KAT6B: variants seen among roughly 807,000 people sequenced by gnomAD.
KAT6B encodes histone acetyltransferase KAT6B.
In KAT6B, 10 loss-of-function variants were observed where a neutral mutation model predicts 187.5. The observed-to-expected ratio is 0.05, with a 90% CI of 0.03 to 0.09. KAT6B has a LOEUF of 0.09. KAT6B is among the 10% of genes least tolerant of loss of function. The probability of loss-of-function intolerance (pLI) is 1.00; values close to 1 mark genes in which losing one functional copy is unlikely to be tolerated. For synonymous variants in KAT6B, 861 were observed against 926.8 expected (o/e 0.93, Z 1.29); for missense variants, 1,952 against 2,558.9 (o/e 0.76, Z 5.12).
At chr10:74,849,916 G>C (rs1387865619) in intron 3 of KAT6B, among the ~76,000 whole-genome samples, 2 of 151,460 alleles carry the variant, frequency 1.3e-5, no homozygotes, top group Non-Finnish European at 2.9e-5. Context: ...TTACCACTGG[G>C]CAGTACACTG....
intron 3 of KAT6B, among the ~76,000 whole-genome samples, chr10:74,883,513 T>A (rs1845018160): frequency 6.6e-6 from 1 of 152,196 alleles, no homozygotes; most frequent in Non-Finnish European, 1.5e-5. Context: ...ATGTATTTCC[T>A]TTGACCTTTC....
At chr10:74,939,704 C>CT (rs1273916158) in intron 3 of KAT6B, among the ~76,000 whole-genome samples, 1 of 151,950 alleles carries the variant, frequency 6.6e-6, no homozygotes, top group Non-Finnish European at 1.5e-5. Flanking sequence ...CAGCTGGAGT[C>CT]TATTTTTTAA....
intron 3 of KAT6B, among the ~76,000 whole-genome samples, chr10:74,924,419 T>C (rs1447585963): frequency 6.6e-6 from 1 of 152,202 alleles, no homozygotes; most frequent in South Asian, 2.1e-4. Context: ...ACTAATTGGG[T>C]TAGAGGTTAA....
At position 74,976,041 on chromosome 10, in the gene KAT6B, C is replaced by T; in HGVS notation, c.1704C>T (p.Pro568=). Residue 568 remains proline, a synonymous_variant, in exon 8 of 18, where the codon CCC becomes CCT. Transcript: ENST00000287239. The part of the protein sequence containing the change: ...RKKGHPSYAP[P]KRMRRKTELS... ...AGGGACACCCGAGTTATGCACCACC[C>T]AAACGTATGCGTCGTAAAACTGAAT... The T allele has an allele frequency of 6.2e-7, 1 of 1,614,204 alleles. No homozygotes were observed. The highest frequency in any genetic ancestry group is 8.5e-7 in the Non-Finnish European group (1 of 1,180,048).
At chr10:74,899,773 A>G (rs949392808) in intron 3 of KAT6B, among the ~76,000 whole-genome samples, 1 of 152,090 alleles carries the variant, frequency 6.6e-6, no homozygotes, top group Admixed American at 6.6e-5. Context: ...CACAAATAAC[A>G]TTGATACCAA....
At chr10:74,967,641 G>A (rs557388635) in intron 4 of KAT6B, among the ~76,000 whole-genome samples, 1 of 152,306 alleles carries the variant, frequency 6.6e-6, no homozygotes, top group African/African-American at 2.4e-5. Context: ...AGGAAAGATA[G>A]GCTGAAGATT....
At chr10:74,850,174 G>A (rs940555799) in intron 3 of KAT6B, among the ~76,000 whole-genome samples, 2 of 152,076 alleles carry the variant, frequency 1.3e-5, no homozygotes, top group African/African-American at 2.4e-5. Context: ...TCCTGACCTC[G>A]TGATCCACCT....
intron 3 of KAT6B, among the ~76,000 whole-genome samples, chr10:74,855,036 C>CT (rs1168843813): frequency 1.3e-5 from 2 of 152,166 alleles, no homozygotes; most frequent in Non-Finnish European, 2.9e-5. Context: ...TCTCACCCTG[C>CT]TTTTTAGCAT....
chr10:75,028,960 A>G lies in KAT6B; in HGVS notation c.4136A>G (p.Glu1379Gly). Residue 1379 changes from glutamate (E) to glycine (G), a missense_variant, in exon 18 of 18, where the codon GAA (glutamate) becomes GGA (glycine). This residue lies in a region of KAT6B where 758 missense variants were observed against 891.4 expected (regional missense o/e 0.85). Coordinates refer to ENST00000287239, the MANE Select transcript of KAT6B (RefSeq NM_012330.4). ...GEEEEGGGNV[E>G]KDPDGAKSQE... ...GAAGAAGAAGGAGGAGGAAATGTAG[A>G]AAAAGATCCAGATGGTGCTAAAAGC... The G allele has an allele frequency of 6.2e-7, 1 of 1,613,768 alleles. No individual in the cohort carries two copies. Among genetic ancestry groups the G allele is most frequent in the Non-Finnish European group, 8.5e-7 (1 of 1,179,890 alleles).
chr10:75,029,014 C>G lies in KAT6B; in HGVS notation c.4190C>G (p.Thr1397Arg), dbSNP rs201038511. The change falls in exon 18 of 18, where the codon ACG (threonine) becomes AGG (arginine). Residue 1397 changes from threonine (T) to arginine (R), a missense_variant. By Grantham distance (71) the Thr-to-Arg change is moderately conservative (BLOSUM62 -1). This residue lies in a region of KAT6B where 758 missense variants were observed against 891.4 expected (regional missense o/e 0.85). Transcript: ENST00000287239. This position sits in a 1 kb window ranked among gnomAD's most constrained non-coding sequence, Gnocchi z 6.2. ...SQEKEEPEIS[T>R]EKEDSARLDD... ...GAAAAAGAGGAACCAGAAATCTCCA[C>G]GGAAAAAGAAGACTCTGCACGTTTG... 215 of 1,613,852 alleles carry G rather than the reference C, an allele frequency of 1.3e-4. 4 individuals are homozygous for G. In the South Asian group the frequency reaches 2.2e-3, roughly 17 times the overall value.
At chr10:74,977,912 G>T (rs1030771966) in intron 9 of KAT6B, among the ~76,000 whole-genome samples, 2 of 152,186 alleles carry the variant, frequency 1.3e-5, no homozygotes, top group Non-Finnish European at 2.9e-5. Flanking sequence ...GTTGTAGTCA[G>T]TTTTATTTTT....
chr10:74,861,370 A>G (rs565827308), intron 3 of KAT6B, among the ~76,000 whole-genome samples: 70 of 152,380 alleles, frequency 4.6e-4, no homozygotes, highest in African/African-American at 1.5e-3. Flanking sequence ...CATTGGAGTG[A>G]TCATCACTTT....
chr10:74,873,838 G>A (rs544119232), intron 3 of KAT6B, among the ~76,000 whole-genome samples: 1 of 152,084 alleles, frequency 6.6e-6, no homozygotes, highest in Non-Finnish European at 1.5e-5. Context: ...AGTTAATACA[G>A]GTATTTATTT....
At chr10:75,026,714 T>A (rs1156571137) in intron 17 of KAT6B, among the ~76,000 whole-genome samples, 2 of 152,168 alleles carry the variant, frequency 1.3e-5, no homozygotes, top group East Asian at 3.8e-4. Flanking sequence ...CTTGGCTGTC[T>A]TCTCATATTA....
chr10:74,992,872 A>G (rs1319693569), intron 13 of KAT6B, among the ~76,000 whole-genome samples: 43 of 152,006 alleles, frequency 2.8e-4, no homozygotes, highest in Admixed American at 2.8e-3. Flanking sequence ...CTGGTTATAA[A>G]CTCCCTAGTG....
intron 13 of KAT6B, among the ~76,000 whole-genome samples, chr10:75,018,407 G>A (rs948192434): frequency 6.6e-6 from 1 of 152,206 alleles, no homozygotes; most frequent in Non-Finnish European, 1.5e-5. Context: ...GGTGCTAAAA[G>A]GTTTATGCCT....
At chr10:74,938,482 GAAGA>G (rs1398852152) in intron 3 of KAT6B, among the ~76,000 whole-genome samples, 3 of 152,108 alleles carry the variant, frequency 2.0e-5, no homozygotes, top group Non-Finnish European at 2.9e-5. Context: ...TGGAAAAAGA[GAAGA>G]AAGAAGGGAG....
At chr10:74,982,027 T>A in intron 11 of KAT6B, 99 bp downstream of exon 11, 1 of 1,125,140 alleles carries the variant, frequency 8.9e-7, no homozygotes, top group Non-Finnish European at 1.3e-6. Context: ...AAAGTATACT[T>A]AATTTTGGCA....
chr10:74,879,046 G>C (rs1480405910), intron 3 of KAT6B, among the ~76,000 whole-genome samples: 2 of 152,164 alleles, frequency 1.3e-5, no homozygotes, highest in Non-Finnish European at 1.5e-5. Context: ...TCATTGGCTT[G>C]AGCTGAGCCG....
Sources: gnomAD v4.1 joint callset for allele counts (sites outside exome capture counted in the v4.1 genomes callset) on GRCh38, gnomAD v4.1.1 for gene constraint, gnomAD v4.1.1 regional missense constraint, Gnocchi (gnomAD v3.1) non-coding constraint, MANE v1.5 for transcripts, NCBI Gene and HGNC (gene_info 2026-07-23, HGNC 2026-07-21) for gene names.